The following CNGB1 variants were observed in gnomAD, a reference collection of about 807,000 sequenced individuals.
CNGB1 encodes cyclic nucleotide-gated channel beta-1.
Under a neutral mutation model 151.7 loss-of-function variants are expected in CNGB1, and 126 were observed. The ratio of observed to expected loss-of-function variants is 0.83; its 90% CI spans 0.72 to 0.96. CNGB1 has a LOEUF of 0.96. Among genes scored for constraint, CNGB1 ranks in the 40% least tolerant of loss-of-function variants. The pLI is 0.00. For synonymous variants in CNGB1, 623 were observed against 635.1 expected (o/e 0.98, Z 0.29); for missense variants, 1,698 against 1,627.0 (o/e 1.04, Z -0.75).
rs371081260 is a variant in CNGB1 at position 57,904,848 on chromosome 16, C to A, written c.2520G>T (p.Val840=). The A allele has an allele frequency of 1.9e-6, 3 of 1,614,014 alleles. No homozygotes were observed. The African/African-American group carries it at 4.0e-5, about 22-fold the overall frequency. The part of the protein sequence containing the change: ...NSYIRCYYFA[V]KTLITIGGLP... ...GCCCCCCGATGGTGATGAGGGTCTT[C>A]ACAGCAAAGTAGTAACAGCGAATAT... Residue 840 remains valine, a synonymous_variant, in exon 26 of 33, where the codon GTG becomes GTT. Coordinates refer to ENST00000251102, the MANE Select transcript of CNGB1 (RefSeq NM_001297.5).
At chr16:57,922,399 A>AGTG (rs1387621786) in intron 18 of CNGB1, among the ~76,000 whole-genome samples, 1 of 149,466 alleles carries the variant, frequency 6.7e-6, no homozygotes, top group African/African-American at 2.5e-5. Flanking sequence ...ATGCCATCAC[A>AGTG]GTGGTTTCTT....
intron 17 of CNGB1, among the ~76,000 whole-genome samples, chr16:57,927,243 A>G (rs1191958267): frequency 1.3e-5 from 2 of 152,206 alleles, no homozygotes; most frequent in Non-Finnish European, 2.9e-5. Context: ...CCCACGTCTT[A>G]CAAGTGATGC....
At chr16:57,898,152 G>A (rs1960285623) in intron 29 of CNGB1, among the ~76,000 whole-genome samples, 1 of 152,186 alleles carries the variant, frequency 6.6e-6, no homozygotes, top group Non-Finnish European at 1.5e-5. Flanking sequence ...TGACAGGGTT[G>A]CAGTGGGGGA....
intron 12 of CNGB1, among the ~76,000 whole-genome samples, chr16:57,953,510 AAAG>A (rs1461260794): frequency 1.3e-5 from 2 of 151,324 alleles, no homozygotes. Flanking sequence ...AAAAAAAAAA[AAAG>A]AAAGTCAACA....
Position 57,889,041 on chromosome 16 carries a change from G to A in CNGB1, c.3243-967C>T, listed in dbSNP as rs138442890. Reference sequence around the variant, plus strand: ...TCCCCTTCCCTTGAGGATGGGTGGGGTACGTGTCTTGCTTTTAAACAATCG... The same window carrying A: ...TCCCCTTCCCTTGAGGATGGGTGGGATACGTGTCTTGCTTTTAAACAATCG... On this transcript the variant is annotated intron_variant, in intron 31 of 32. Coordinates refer to ENST00000251102, the MANE Select transcript of CNGB1 (RefSeq NM_001297.5). 2.2e-3 allele frequency among the ~76,000 whole-genome samples: 337 copies of A among 152,294 alleles called. 1 individual carries two copies. Among genetic ancestry groups the A allele is most frequent in the African/African-American group, 7.7e-3 (321 of 41,542 alleles).
rs879113739 is a variant in CNGB1 at position 57,964,123 on chromosome 16, G to A, written c.290+7C>T. 2.5e-6 allele frequency: 4 copies of A among 1,613,630 alleles called. No individual in the cohort carries two copies. In the South Asian group the frequency reaches 3.3e-5, roughly 13 times the overall value. On this transcript the variant is annotated splice_region_variant and intron_variant, in intron 4 of 32. Transcript: ENST00000251102. ...GGCCCTGAAGAGAGGGGAGGGTGGT[G>A]CAGTACCTATTCATTTCAGAAATCT... is the stretch of plus-strand genomic sequence containing the variant.
intron 4 of CNGB1, 137 bp downstream of exon 4, chr16:57,963,993 A>G: frequency 1.3e-6 from 1 of 754,572 alleles, no homozygotes; most frequent in African/African-American, 1.8e-5. Flanking sequence ...AATTCCCAGG[A>G]TGTCCCAGGG....
intron 20 of CNGB1, 130 bp from the exon 21 acceptor site, chr16:57,917,606 A>G (rs72782258): frequency 0.27 from 135,525 of 507,522 alleles, 14,849 homozygotes; most frequent in South Asian, 0.39. Context: ...GAGTGTGTGT[A>G]TGTGTGTGTG....
At chr16:57,931,215 A>G (rs1348414092) in intron 17 of CNGB1, among the ~76,000 whole-genome samples, 16 of 151,890 alleles carry the variant, frequency 1.1e-4, no homozygotes, top group Admixed American at 2.0e-4. Flanking sequence ...CTGCAGTGCA[A>G]TGGCACAATC....
rs1162785632 is a variant in CNGB1, at chr16:57,960,518, C to T, written c.547G>A (p.Glu183Lys). ...PPKSSEVWRD[E>K]PAVATGAASD... ...GCAGCACCTGTAGCAACTGCAGGCTCATCTCTCCAGACCTGGGTGACAAAC... is the reference window on the plus strand; with the variant it reads ...GCAGCACCTGTAGCAACTGCAGGCTTATCTCTCCAGACCTGGGTGACAAAC... The change falls in exon 9 of 33, where the codon GAG (glutamate) becomes AAG (lysine). Residue 183 changes from glutamate (E) to lysine (K), a missense_variant. Coordinates refer to ENST00000251102, the MANE Select transcript of CNGB1 (RefSeq NM_001297.5). The T allele has an allele frequency of 1.9e-6, 3 of 1,613,818 alleles. No homozygotes were observed. Among genetic ancestry groups the T allele is most frequent in the South Asian group, 2.2e-5 (2 of 90,962 alleles).
rs553830954 is a variant in CNGB1 at position 57,884,170 on chromosome 16, C to T, written c.3750G>A (p.Ala1250=). Reference sequence around the variant, plus strand: ...GGATCCGCCTCACCCCACCTTACTCCGCCTTCTCCTCCCTTTCCTCCGGCA... The same window carrying T: ...GGATCCGCCTCACCCCACCTTACTCTGCCTTCTCCTCCCTTTCCTCCGGCA... ...VKMPEEREEK[A]E The change falls in exon 33 of 33, where the codon GCG becomes GCA. Residue 1250 remains alanine, a synonymous_variant. Coordinates refer to ENST00000251102, the MANE Select transcript of CNGB1 (RefSeq NM_001297.5). The T allele has an allele frequency of 5.2e-5, 84 of 1,614,056 alleles. No individual in the cohort carries two copies. In the South Asian group the frequency reaches 8.1e-4, roughly 16 times the overall value.
At chr16:57,886,721 C>A (rs936365047) in intron 32 of CNGB1, among the ~76,000 whole-genome samples, 1 of 150,400 alleles carries the variant, frequency 6.6e-6, no homozygotes, top group Non-Finnish European at 1.5e-5. Context: ...AAAGGACAGC[C>A]GTGAACAGAC....
At chr16:57,931,985 C>T in intron 16 of CNGB1, 107 bp from the exon 17 acceptor site, 3 of 1,215,466 alleles carry the variant, frequency 2.5e-6, no homozygotes, top group Non-Finnish European at 3.6e-6. Context: ...TTGGAGGGGA[C>T]TCTGATAGCT....
intron 27 of CNGB1, 107 bp downstream of exon 27, chr16:57,903,715 C>A: frequency 7.4e-7 from 1 of 1,353,584 alleles, no homozygotes; most frequent in Non-Finnish European, 1.0e-6. Flanking sequence ...GTACTCGGGA[C>A]CTCAGAGACA....
rs1305210769 is a variant in CNGB1 at position 57,960,069 on chromosome 16, AGCAGCG to A, written c.584-10_584-5del. ...TCCTGGGGGCGTCCTGGAGGCGCTA[AGCAGCG>A]GGGAAAGCAGGAGCTAGAGACGCCA... On this transcript the variant is annotated splice_polypyrimidine_tract_variant and splice_region_variant and intron_variant, in intron 9 of 32. Coordinates refer to ENST00000251102, the MANE Select transcript of CNGB1 (RefSeq NM_001297.5). 1 of 1,548,030 alleles carries A rather than the reference AGCAGCG, an allele frequency of 6.5e-7. No individual in the cohort carries two copies. Among genetic ancestry groups the A allele is most frequent in the African/African-American group, 1.4e-5 (1 of 73,670 alleles).
chr16:57,884,111 G>A lies in CNGB1; in HGVS notation c.*53C>T. The A allele has an allele frequency of 1.2e-6, 2 of 1,612,316 alleles. No individual in the cohort carries two copies. Among genetic ancestry groups the A allele is most frequent in the East Asian group, 2.2e-5 (1 of 44,860 alleles). On this transcript the variant is annotated 3_prime_UTR_variant, in exon 33 of 33. Transcript: ENST00000251102. ...GGCGCTGGGGCGCAGGGGCGCAGCG[G>A]GCGCTGGGGACACACCTGCTGGAAC...
At position 57,962,770 on chromosome 16, in the gene CNGB1, C is replaced by T. The variant is rs1476345120; in HGVS notation, c.412+72G>A. On this transcript the variant is annotated intron_variant, in intron 6 of 32. Transcript: ENST00000251102. ...AGCCTGGGCAGAGGCTCCCAAGGGG[C>T]AGGGCCCATCCCAGCAGCCCCTCAG... 2.0e-5 allele frequency: 32 copies of T among 1,595,010 alleles called. No individual in the cohort carries two copies. In the East Asian group the frequency reaches 6.5e-4, roughly 32 times the overall value.
chr16:57,899,951 C>A (rs1270273825), intron 29 of CNGB1, among the ~76,000 whole-genome samples: 1 of 152,200 alleles, frequency 6.6e-6, no homozygotes, highest in Non-Finnish European at 1.5e-5. Context: ...AATTTGCAAT[C>A]ACAGACTCTA....
At chr16:57,952,031 G>A (rs749322057) in intron 12 of CNGB1, among the ~76,000 whole-genome samples, 3 of 152,194 alleles carry the variant, frequency 2.0e-5, no homozygotes, top group East Asian at 1.9e-4. Context: ...GTGGTGGGAC[G>A]CTTTGTCTGT....
Sources: gnomAD v4.1 joint callset for allele counts (sites outside exome capture counted in the v4.1 genomes callset) on GRCh38, gnomAD v4.1.1 for gene constraint, MANE v1.5 for transcripts, NCBI Gene and HGNC (gene_info 2026-07-23, HGNC 2026-07-21) for gene names.